Variants in SLCO5A1 observed in about 807,000 individuals in gnomAD.
The protein encoded by SLCO5A1 is organic anion transporter polypeptide-related protein 4.
In SLCO5A1, 39 loss-of-function variants were observed where a neutral mutation model predicts 65.1. That is an observed-to-expected ratio of 0.60 (90% CI 0.46 to 0.78). The LOEUF is 0.78. Among genes scored for constraint, SLCO5A1 ranks in the 30% least tolerant of loss-of-function variants. SLCO5A1 has a pLI of 0.00. For missense variants in SLCO5A1, 1,029 were observed against 1,069.4 expected (o/e 0.96, Z 0.53); for synonymous variants, 438 against 415.7 (o/e 1.05, Z -0.65).
At chr8:69,706,045 T>C (rs989709147) in intron 5 of SLCO5A1, among the ~76,000 whole-genome samples, 6 of 152,224 alleles carry the variant, frequency 3.9e-5, no homozygotes, top group Non-Finnish European at 8.8e-5. Flanking sequence ...TGTCCATTAA[T>C]AAATATATCA....
chr8:69,740,267 G>A (rs1816740064), intron 4 of SLCO5A1, among the ~76,000 whole-genome samples: 1 of 152,206 alleles, frequency 6.6e-6, no homozygotes, highest in African/African-American at 2.4e-5. Context: ...TGGGAGAACA[G>A]TATACAGGGT....
chr8:69,734,477 T>C (rs1160962535), intron 5 of SLCO5A1, among the ~76,000 whole-genome samples: 2 of 152,230 alleles, frequency 1.3e-5, no homozygotes, highest in African/African-American at 2.4e-5. Context: ...TGTTTATTTA[T>C]TTAGACAGCT....
intron 8 of SLCO5A1, among the ~76,000 whole-genome samples, chr8:69,677,684 A>G (rs894837728): frequency 2.6e-5 from 4 of 152,188 alleles, no homozygotes; most frequent in Non-Finnish European, 5.9e-5. Flanking sequence ...CCTTTCATGC[A>G]CTACTATCTG....
At chr8:69,732,229 A>G (rs1337209261) in intron 5 of SLCO5A1, among the ~76,000 whole-genome samples, 2 of 152,226 alleles carry the variant, frequency 1.3e-5, no homozygotes, top group African/African-American at 4.8e-5. Context: ...AAATTACAGT[A>G]ATTTTAAAAA....
chr8:69,782,579 CA>C (rs773987113), intron 2 of SLCO5A1, among the ~76,000 whole-genome samples: 2,483 of 53,992 alleles, frequency 0.046, 24 homozygotes, highest in African/African-American at 0.1. Flanking sequence ...GACCCTGTCT[CA>C]AAAAAAAAAA....
At chr8:69,679,666 C>G (rs763778390) in intron 7 of SLCO5A1, 47 bp from the exon 8 acceptor site, 1 of 1,596,062 alleles carries the variant, frequency 6.3e-7, no homozygotes, top group Non-Finnish European at 8.6e-7. Flanking sequence ...CAAAAGCTAA[C>G]TGTGGCATAA....
chr8:69,683,219 T>A (rs1006114026), intron 6 of SLCO5A1, among the ~76,000 whole-genome samples: 2 of 152,190 alleles, frequency 1.3e-5, no homozygotes, highest in Non-Finnish European at 2.9e-5. Flanking sequence ...CGCTCTGTAC[T>A]GCTCGTACCC....
chr8:69,755,338 G>T, intron 4 of SLCO5A1, 86 bp downstream of exon 4: 1 of 1,072,454 alleles, frequency 9.3e-7, no homozygotes, highest in Non-Finnish European at 1.4e-6. Context: ...CACAGACAGT[G>T]GGTAGACAGC....
At position 69,832,982 on chromosome 8, in the gene SLCO5A1, G is replaced by T. The variant is rs900570843; in HGVS notation, c.-309C>A. 2 of 380,172 alleles carry T rather than the reference G, an allele frequency of 5.3e-6. No individual in the cohort carries two copies. The highest frequency in any genetic ancestry group is 2.2e-5 in the African/African-American group (1 of 46,472). The allele number at this position is 380,172 out of a possible 1,614,324, so 23.5% of individuals were successfully genotyped here. A position where few individuals can be genotyped will look rare whatever the true frequency, so the allele number is the denominator to read the frequency against. On this transcript the variant is annotated 5_prime_UTR_variant, in exon 2 of 10. Transcript: ENST00000260126. This position sits in a 1 kb window ranked among gnomAD's most constrained non-coding sequence, Gnocchi z 4.5. ...TTGAGGCAGGCGCCTCGCGCGTCCC[G>T]GGCTCATCCCCTCCGCCGCCGCCGC...
intron 5 of SLCO5A1, among the ~76,000 whole-genome samples, chr8:69,713,175 T>C (rs929414947): frequency 6.6e-6 from 1 of 152,228 alleles, no homozygotes; most frequent in East Asian, 1.9e-4. Context: ...TGACTTAAAT[T>C]AATAAAGACA....
rs116141396 is a variant in SLCO5A1 at position 69,775,219 on chromosome 8, T to A, written c.908-13344A>T. Among the ~76,000 whole-genome samples, 453 of 152,324 alleles carry A rather than the reference T, an allele frequency of 3.0e-3. 3 individuals are homozygous for A. The highest frequency in any genetic ancestry group is 0.01 in the African/African-American group (427 of 41,578). ...TGCCATAGAGAGAAATCATTGGTTG[T>A]AATTCACTAACTTCCTTTAGAAATA... On this transcript the variant is annotated intron_variant, in intron 2 of 9. Transcript: ENST00000260126.
intron 4 of SLCO5A1, 73 bp downstream of exon 4, chr8:69,755,351 G>C: frequency 2.4e-6 from 3 of 1,259,602 alleles, no homozygotes; most frequent in Non-Finnish European, 3.4e-6. Flanking sequence ...TAGACAGCAT[G>C]GGCCTGGGAC....
At chr8:69,701,066 G>A (rs139260445) in intron 6 of SLCO5A1, among the ~76,000 whole-genome samples, 2 of 152,164 alleles carry the variant, frequency 1.3e-5, no homozygotes, top group East Asian at 1.9e-4. Context: ...GAGAGTAGGG[G>A]GACTGTGGGC....
intron 2 of SLCO5A1, among the ~76,000 whole-genome samples, chr8:69,806,884 A>G (rs1820016012): frequency 6.6e-6 from 1 of 152,282 alleles, no homozygotes; most frequent in African/African-American, 2.4e-5. Context: ...GTGGGAAAAC[A>G]GAAGTTAATT....
At chr8:69,817,251 C>A (rs1820447399) in intron 2 of SLCO5A1, among the ~76,000 whole-genome samples, 1 of 152,148 alleles carries the variant, frequency 6.6e-6, no homozygotes, top group African/African-American at 2.4e-5. Context: ...TAGTATTTGT[C>A]TTTTTGCCAC....
intron 6 of SLCO5A1, among the ~76,000 whole-genome samples, chr8:69,704,696 T>C (rs1395014983): frequency 1.3e-5 from 2 of 152,230 alleles, no homozygotes; most frequent in African/African-American, 4.8e-5. Flanking sequence ...TTGAATTTTA[T>C]GTTTTTGAGC....
At chr8:69,736,418 C>T (rs371577385) in intron 5 of SLCO5A1, among the ~76,000 whole-genome samples, 1 of 152,210 alleles carries the variant, frequency 6.6e-6, no homozygotes, top group Non-Finnish European at 1.5e-5. Context: ...CTACCCGGCT[C>T]AGCACTGCAC....
At chr8:69,783,545 G>A (rs1332843225) in intron 2 of SLCO5A1, among the ~76,000 whole-genome samples, 4 of 151,558 alleles carry the variant, frequency 2.6e-5, no homozygotes, top group Non-Finnish European at 4.4e-5. Flanking sequence ...ATTAAAAAAG[G>A]TATCTTCATA....
intron 2 of SLCO5A1, among the ~76,000 whole-genome samples, chr8:69,778,775 T>C (rs1013134375): frequency 2.0e-5 from 3 of 152,204 alleles, no homozygotes; most frequent in Non-Finnish European, 4.4e-5. Context: ...GTTTTATTTG[T>C]TCTTATGTCT....
Sources: allele counts gnomAD v4.1 joint callset (sites outside exome capture counted in the v4.1 genomes callset), GRCh38; gene constraint gnomAD v4.1.1; non-coding constraint Gnocchi (gnomAD v3.1); transcripts MANE v1.5; gene names NCBI Gene and HGNC (gene_info 2026-07-23, HGNC 2026-07-21).